TMEM232: variants seen among roughly 807,000 people sequenced by gnomAD.
TMEM232 encodes transmembrane protein 232.
Under a neutral mutation model 78.8 loss-of-function variants are expected in TMEM232, and 80 were observed. The ratio of observed to expected loss-of-function variants is 1.01; its 90% CI spans 0.85 to 1.22. The LOEUF (loss-of-function observed/expected upper bound fraction) is 1.22. Among genes scored for constraint, TMEM232 ranks in the 50% most tolerant of loss-of-function variants. TMEM232 has a pLI of 0.00. For synonymous variants in TMEM232, 297 were observed against 254.3 expected (o/e 1.17, Z -1.60); for missense variants, 881 against 742.2 (o/e 1.19, Z -2.17).
intron 12 of TMEM232, among the ~76,000 whole-genome samples, chr5:110,485,557 T>C (rs1352608223): frequency 6.6e-6 from 1 of 152,168 alleles, no homozygotes; most frequent in Admixed American, 6.6e-5. Flanking sequence ...GAACATACAA[T>C]GTTTGCTTTT....
intron 12 of TMEM232, among the ~76,000 whole-genome samples, chr5:110,506,491 C>T (rs1468571942): frequency 6.6e-6 from 1 of 152,076 alleles, no homozygotes; most frequent in Non-Finnish European, 1.5e-5. Context: ...TGGTAATTAT[C>T]CCACTGTTGT....
intron 1 of TMEM232, among the ~76,000 whole-genome samples, chr5:110,704,386 G>T (rs1353291776): frequency 6.6e-6 from 1 of 152,092 alleles, no homozygotes; most frequent in African/African-American, 2.4e-5. Context: ...GAGATCTCCA[G>T]TTAAAGACCT....
At chr5:110,661,817 G>A (rs1789839844) in intron 2 of TMEM232, among the ~76,000 whole-genome samples, 2 of 152,138 alleles carry the variant, frequency 1.3e-5, no homozygotes, top group South Asian at 4.1e-4. Context: ...ATCCATTACT[G>A]TCTTTCTAAT....
chr5:110,735,529 T>C (rs989399853), intron 1 of TMEM232, among the ~76,000 whole-genome samples: 27 of 152,194 alleles, frequency 1.8e-4, no homozygotes, highest in Admixed American at 9.8e-4. Context: ...TTAATTGTTA[T>C]ATAGTGATTT....
intron 12 of TMEM232, among the ~76,000 whole-genome samples, chr5:110,469,644 G>GTGTC (rs2149371817): frequency 6.6e-6 from 1 of 152,232 alleles, no homozygotes; most frequent in South Asian, 2.1e-4. Context: ...CCCTGTTCCC[G>GTGTC]TGTCAGCACT....
chr5:110,643,228 G>A (rs1786998755), intron 2 of TMEM232, among the ~76,000 whole-genome samples: 1 of 152,020 alleles, frequency 6.6e-6, no homozygotes, highest in Non-Finnish European at 1.5e-5. Context: ...CGGATGTGGG[G>A]TGAAGATAGA....
intron 1 of TMEM232, among the ~76,000 whole-genome samples, chr5:110,710,854 C>T (rs564398758): frequency 1.4e-4 from 22 of 152,206 alleles, no homozygotes; most frequent in African/African-American, 4.6e-4. Context: ...AAATCTGGGA[C>T]ATGACAAGGA....
At chr5:110,676,749 T>G (rs1001954504) in intron 1 of TMEM232, among the ~76,000 whole-genome samples, 4 of 148,552 alleles carry the variant, frequency 2.7e-5, no homozygotes, top group African/African-American at 7.5e-5. Flanking sequence ...ATTTATTTAT[T>G]TATTTATTTA....
chr5:110,423,450 A>C (rs760156561), intron 13 of TMEM232, among the ~76,000 whole-genome samples: 1 of 152,204 alleles, frequency 6.6e-6, no homozygotes, highest in South Asian at 2.1e-4. Flanking sequence ...ATATACATGA[A>C]TACTGAAAAA....
chr5:110,655,125 A>G (rs1241721954), intron 2 of TMEM232, among the ~76,000 whole-genome samples: 25 of 152,042 alleles, frequency 1.6e-4, no homozygotes, highest in African/African-American at 4.6e-4. Flanking sequence ...GCAACCTACA[A>G]AATGGGAGAA....
rs73782488 is a variant in TMEM232, at chr5:110,427,479, T to C, written c.1704-2563A>G. 8.4e-3 allele frequency among the ~76,000 whole-genome samples: 1,274 copies of C among 152,028 alleles called. 13 individuals are homozygous for C. Among genetic ancestry groups the C allele is most frequent in the African/African-American group, 0.029 (1,220 of 41,476 alleles). On this transcript the variant is annotated intron_variant, in intron 12 of 13. Coordinates refer to ENST00000455884, the MANE Select transcript of TMEM232 (RefSeq NM_001039763.4). ...CGGCATTAAATGAGATGTAGAATTT[T>C]GACATTTGAAGTTAAATGAACAGTA... is the stretch of plus-strand genomic sequence containing the variant.
chr5:110,533,756 C>T (rs1276246675), intron 11 of TMEM232, among the ~76,000 whole-genome samples: 2 of 152,100 alleles, frequency 1.3e-5, no homozygotes, highest in Non-Finnish European at 2.9e-5. Flanking sequence ...TCCTGACGTT[C>T]ACCCCATTTC....
intron 2 of TMEM232, among the ~76,000 whole-genome samples, chr5:110,651,003 T>C (rs1014532173): frequency 1.3e-5 from 2 of 152,034 alleles, no homozygotes; most frequent in African/African-American, 4.8e-5. Context: ...AAATAAAAAA[T>C]GGGAGGTGAT....
intron 12 of TMEM232, among the ~76,000 whole-genome samples, chr5:110,431,015 T>A (rs1344566379): frequency 6.6e-6 from 1 of 151,554 alleles, no homozygotes; most frequent in South Asian, 2.1e-4. Context: ...GGCAGAGAAA[T>A]TTTGATCAGA....
At chr5:110,623,788 G>T (rs949287171) in intron 7 of TMEM232, among the ~76,000 whole-genome samples, 2 of 152,070 alleles carry the variant, frequency 1.3e-5, no homozygotes, top group African/African-American at 2.4e-5. Flanking sequence ...AAACCTGATA[G>T]GTCAAACTCT....
chr5:110,514,604 A>G (rs1768322624), intron 12 of TMEM232, among the ~76,000 whole-genome samples: 2 of 152,166 alleles, frequency 1.3e-5, no homozygotes, highest in Non-Finnish European at 2.9e-5. Context: ...CTTTAAATCA[A>G]TCAGAAAAAA....
At chr5:110,531,518 T>C (rs1194160205) in intron 11 of TMEM232, among the ~76,000 whole-genome samples, 3 of 152,142 alleles carry the variant, frequency 2.0e-5, no homozygotes, top group Non-Finnish European at 4.4e-5. Flanking sequence ...TCTCTCACTA[T>C]CCCTCAATCT....
At chr5:110,388,996 C>T (rs186996774) in intron 4 of TMEM232, among the ~76,000 whole-genome samples, 2 of 152,256 alleles carry the variant, frequency 1.3e-5, no homozygotes, top group Admixed American at 1.3e-4. Context: ...TGCAGTGGCT[C>T]ATGCCTGTAA....
At chr5:110,692,424 A>G (rs1450971655) in intron 1 of TMEM232, among the ~76,000 whole-genome samples, 2 of 152,218 alleles carry the variant, frequency 1.3e-5, no homozygotes. Context: ...TACCGGGTTC[A>G]TCTCACTGGG....
Sources: allele counts gnomAD v4.1 joint callset (sites outside exome capture counted in the v4.1 genomes callset), GRCh38; gene constraint gnomAD v4.1.1; transcripts MANE v1.5; gene names NCBI Gene and HGNC (gene_info 2026-07-23, HGNC 2026-07-21).